Variants in CEP290 observed in about 807,000 individuals in gnomAD.
The protein encoded by CEP290 is centrosomal protein of 290 kDa.
CEP290 carries 317 observed loss-of-function variants against 344.9 expected under a neutral mutation model. The observed-to-expected ratio is 0.92, with a 90% CI of 0.84 to 1.01. The LOEUF is 1.01. Among genes scored for constraint, CEP290 ranks in the 50% least tolerant of loss-of-function variants. The probability of loss-of-function intolerance (pLI) is 0.00; values close to 1 mark genes in which losing one functional copy is unlikely to be tolerated. For missense variants in CEP290, 2,754 were observed against 2,761.4 expected (o/e 1.00, Z 0.06); for synonymous variants, 932 against 895.8 (o/e 1.04, Z -0.72).
At chr12:88,111,903 A>C in intron 20 of CEP290, 45 bp from the exon 21 acceptor site, 1 of 1,335,438 alleles carries the variant, frequency 7.5e-7, no homozygotes, top group Middle Eastern at 1.9e-4. Flanking sequence ...GAAAAACAGT[A>C]AAATCATAGT....
At chr12:88,100,794 C>T (rs970291356) in intron 26 of CEP290, among the ~76,000 whole-genome samples, 1 of 151,948 alleles carries the variant, frequency 6.6e-6, no homozygotes, top group Non-Finnish European at 1.5e-5. Flanking sequence ...AATGCCTGAA[C>T]AAGTTTTGAA....
At chr12:88,100,764 A>G (rs2037807694) in intron 26 of CEP290, among the ~76,000 whole-genome samples, 1 of 152,222 alleles carries the variant, frequency 6.6e-6, no homozygotes, top group Non-Finnish European at 1.5e-5. Context: ...TAAAAAAAGT[A>G]TGCTTAAGAA....
chr12:88,141,521 CAG>C (rs1491405772), intron 1 of CEP290, among the ~76,000 whole-genome samples, 187 bp from the exon 2 acceptor site: 4 of 151,860 alleles, frequency 2.6e-5, no homozygotes, highest in African/African-American at 9.7e-5. Context: ...CACAAACTGT[CAG>C]AGTGTCCCGG....
In CEP290 at chr12:88,079,241, C is replaced by CA; in HGVS notation, c.5227-13_5227-12insT. 1 of 1,556,154 alleles carries CA rather than the reference C, an allele frequency of 6.4e-7. No homozygotes were observed. Among genetic ancestry groups the CA allele is most frequent in the South Asian group, 1.3e-5 (1 of 78,874 alleles). On this transcript the variant is annotated splice_polypyrimidine_tract_variant and intron_variant, in intron 38 of 53. Transcript: ENST00000552810. Reference sequence around the variant, plus strand: ...GCCCGACTAAGTGCCTAAAAATTAACCAAAAAAAAAATGTAATTTTTAAAG... The same window carrying CA: ...GCCCGACTAAGTGCCTAAAAATTAACACAAAAAAAAAATGTAATTTTTAAAG...
chr12:88,051,449 T>C (rs1258477412), intron 52 of CEP290, among the ~76,000 whole-genome samples: 5 of 152,164 alleles, frequency 3.3e-5, no homozygotes, highest in African/African-American at 1.2e-4. Context: ...TCCACCCACT[T>C]CAGCCTCCCA....
chr12:88,081,342 G>T (rs1199115958), intron 37 of CEP290, among the ~76,000 whole-genome samples: 7 of 152,066 alleles, frequency 4.6e-5, no homozygotes, highest in Admixed American at 3.9e-4. Flanking sequence ...ATTTGTTTAT[G>T]GTTCAAATTC....
At chr12:88,071,561 A>G (rs2136959834) in intron 42 of CEP290, 112 bp from the exon 43 acceptor site, 2 of 963,360 alleles carry the variant, frequency 2.1e-6, no homozygotes, top group Middle Eastern at 2.4e-4. Flanking sequence ...TATTTGTCAT[A>G]AGCTAATTTA....
Position 88,117,098 on chromosome 12 carries a change from C to A in CEP290, c.1759G>T (p.Asp587Tyr), listed in dbSNP as rs1406032550. Residue 587 changes from aspartate (D) to tyrosine (Y), a missense_variant, in exon 18 of 54, where the codon GAT becomes TAT. By Grantham distance (160) the Asp-to-Tyr change is radical. Transcript: ENST00000552810. ...TCCAATTTTCTTTCACTTATTCTAT[C>A]TCCTTGAGAAATGTTTTCAGTTAGG... is the stretch of plus-strand genomic sequence containing the variant. ...LNLTENISQG[D>Y]RISERKLDLL... 12 of 1,561,372 alleles carry A rather than the reference C, an allele frequency of 7.7e-6. No individual in the cohort carries two copies. The highest frequency in any genetic ancestry group is 1.0e-5 in the Non-Finnish European group (12 of 1,149,980).
chr12:88,100,994 T>G (rs2037827882), intron 26 of CEP290, among the ~76,000 whole-genome samples: 1 of 152,160 alleles, frequency 6.6e-6, no homozygotes. Context: ...AGGTAACCGG[T>G]AGCTTTTGAC....
chr12:88,118,527 AT>A lies in CEP290; in HGVS notation c.1666del (p.Ile556PhefsTer17), dbSNP rs727503855. On this transcript the variant is annotated frameshift_variant, in exon 17 of 54. Transcript: ENST00000552810. LOFTEE classifies it high-confidence loss of function. ...TCCTCTTTCTTGAGCCATTTGACGA[AT>A]TTTTTTTTTCAGATCAAGTCGTTCT... ...EEERLDLKKK[I>X]RQMAQERGKR... is the part of the protein sequence containing the mutation. The A allele has an allele frequency of 1.6e-4, 242 of 1,502,300 alleles. No individual in the cohort carries two copies. Among genetic ancestry groups the A allele is most frequent in the East Asian group, 4.6e-4 (19 of 41,590 alleles). The allele number at this position is 1,502,300 out of a possible 1,614,324, so 93.1% of individuals were successfully genotyped here. A position where few individuals can be genotyped will look rare whatever the true frequency, so the allele number is the denominator to read the frequency against.
At chr12:88,128,598 C>T (rs1016039053) in intron 11 of CEP290, among the ~76,000 whole-genome samples, 2 of 151,980 alleles carry the variant, frequency 1.3e-5, no homozygotes, top group Admixed American at 6.6e-5. Flanking sequence ...ATTAAACCTG[C>T]AACTATTTAA....
intron 26 of CEP290, 32 bp from the exon 27 acceptor site, chr12:88,097,031 A>C: frequency 9.0e-7 from 1 of 1,114,808 alleles, no homozygotes; most frequent in Non-Finnish European, 1.3e-6. Context: ...CTAAGAAACT[A>C]CATTGTAATT....
At chr12:88,079,443 G>A (rs2036028795) in intron 38 of CEP290, among the ~76,000 whole-genome samples, 2 of 151,958 alleles carry the variant, frequency 1.3e-5, no homozygotes, top group South Asian at 4.2e-4. Context: ...GAATGTGAAA[G>A]TTCAAAATCT....
intron 14 of CEP290, among the ~76,000 whole-genome samples, chr12:88,120,546 T>C (rs2039339809): frequency 6.6e-6 from 1 of 152,114 alleles, no homozygotes; most frequent in African/African-American, 2.4e-5. Context: ...ACCAAAATAC[T>C]AAAAGAATTA....
chr12:88,090,378 T>C (rs2036933413), intron 30 of CEP290, among the ~76,000 whole-genome samples: 1 of 152,178 alleles, frequency 6.6e-6, no homozygotes, highest in South Asian at 2.1e-4. Flanking sequence ...ATACCTGTAA[T>C]CCCAGCATTC....
chr12:88,140,492 A>G (rs976520401), intron 3 of CEP290, among the ~76,000 whole-genome samples: 2 of 152,214 alleles, frequency 1.3e-5, no homozygotes, highest in Non-Finnish European at 2.9e-5. Flanking sequence ...CCTCAAATAT[A>G]AAGAATAAAC....
At chr12:88,068,968 T>A (rs1057431441) in intron 43 of CEP290, among the ~76,000 whole-genome samples, 2 of 152,178 alleles carry the variant, frequency 1.3e-5, no homozygotes, top group Non-Finnish European at 2.9e-5. Flanking sequence ...TAAACTAAAA[T>A]ACTTACTATT....
At chr12:88,072,048 T>TA in intron 41 of CEP290, 122 bp from the exon 42 acceptor site, 1 of 926,212 alleles carries the variant, frequency 1.1e-6, no homozygotes, top group South Asian at 2.2e-5. Context: ...AATATGTAAA[T>TA]ATGTTCATTT....
chr12:88,119,965 G>T, intron 15 of CEP290, 149 bp downstream of exon 15: 3 of 460,952 alleles, frequency 6.5e-6, no homozygotes, highest in Non-Finnish European at 1.1e-5. Flanking sequence ...AATCAGGTTA[G>T]CTCCACTTTT....
Sources: allele counts gnomAD v4.1 joint callset (sites outside exome capture counted in the v4.1 genomes callset), GRCh38; gene constraint gnomAD v4.1.1; transcripts MANE v1.5; gene names NCBI Gene and HGNC (gene_info 2026-07-23, HGNC 2026-07-21).